POLDIP3: variants seen among roughly 807,000 people sequenced by gnomAD.
POLDIP3 encodes DNA polymerase delta interacting protein 3, also known as polymerase delta-interacting protein 3.
In POLDIP3, 14 loss-of-function variants were observed where a neutral mutation model predicts 45.1. That is an observed-to-expected ratio of 0.31 (90% CI 0.20 to 0.49). The LOEUF (loss-of-function observed/expected upper bound fraction) is 0.49, where lower values mean the gene tolerates loss of function less well. Among genes scored for constraint, POLDIP3 ranks in the 20% least tolerant of loss-of-function variants. The pLI is 0.99. For synonymous variants in POLDIP3, 223 were observed against 205.2 expected (o/e 1.09, Z -0.74); for missense variants, 511 against 538.8 (o/e 0.95, Z 0.51).
intron 7 of POLDIP3, among the ~76,000 whole-genome samples, chr22:42,591,571 GCAGCTCTCACCCAGGTGT>G (rs955521612): frequency 6.6e-6 from 1 of 152,208 alleles, no homozygotes; most frequent in African/African-American, 2.4e-5. Flanking sequence ...CCCACCAGGA[GCAGCTCTCACCCAGGTGT>G]CAACATTCAG....
intron 4 of POLDIP3, among the ~76,000 whole-genome samples, chr22:42,596,938 CA>C (rs11345168): frequency 0.053 from 7,692 of 145,122 alleles, 608 homozygotes; most frequent in African/African-American, 0.18. Context: ...CTTTTGCTTA[CA>C]AAAAAAAAAA....
At position 42,585,509 on chromosome 22, in the gene POLDIP3, C is replaced by G. The variant is rs891950336; in HGVS notation, c.*282G>C. On this transcript the variant is annotated 3_prime_UTR_variant, in exon 9 of 9. Transcript: ENST00000252115. ...GTACCATTTCCAGATAAGAAATCAG[C>G]TTGGGGCTGAGGCTCGGGGAGGCAC... 2.3e-6 allele frequency: 1 copy of G among 443,396 alleles called. No homozygotes were observed. 27.5% of individuals were successfully genotyped at this position (443,396 alleles called of 1,614,324 possible).
intron 3 of POLDIP3, 148 bp downstream of exon 3, chr22:42,601,822 C>G: frequency 1.0e-6 from 1 of 954,806 alleles, no homozygotes; most frequent in Non-Finnish European, 1.5e-6. Context: ...TTCGCTGTAA[C>G]CCTGCCTCCA....
intron 1 of POLDIP3, among the ~76,000 whole-genome samples, chr22:42,613,789 T>C (rs1331464314): frequency 3.3e-5 from 5 of 152,088 alleles, no homozygotes; most frequent in Admixed American, 2.6e-4. Context: ...AAAATAAACA[T>C]CTGCTGAGAG....
intron 1 of POLDIP3, among the ~76,000 whole-genome samples, chr22:42,605,770 T>A (rs1926685392): frequency 6.6e-6 from 1 of 152,174 alleles, no homozygotes; most frequent in South Asian, 2.1e-4. Context: ...TCCCTAGGAC[T>A]GGGCTACCCT....
At chr22:42,608,844 G>C (rs575386541) in intron 1 of POLDIP3, among the ~76,000 whole-genome samples, 1 of 152,124 alleles carries the variant, frequency 6.6e-6, no homozygotes, top group Admixed American at 6.5e-5. Flanking sequence ...GAGGGAGTAA[G>C]CTATTTCCCT....
rs9620069 is a variant in POLDIP3 at position 42,589,842 on chromosome 22, T to C, written c.1021+2113A>G. Among the ~76,000 whole-genome samples the C allele has an allele frequency of 8.3e-4, 109 of 131,118 alleles. 1 individual carries two copies. The highest frequency in any genetic ancestry group is 1.6e-3 in the Non-Finnish European group (98 of 59,882). The allele number at this position is 131,118 out of a possible 152,430, so 86.0% of individuals were successfully genotyped here. On this transcript the variant is annotated intron_variant, in intron 7 of 8. Coordinates refer to ENST00000252115, the MANE Select transcript of POLDIP3 (RefSeq NM_032311.5). ...CTGGGTGACAGAGGGAGACTCCGTA[T>C]CAAAAAAAAAAAACAGAACCTCAGT...
intron 1 of POLDIP3, among the ~76,000 whole-genome samples, chr22:42,609,485 G>A (rs908442854): frequency 6.6e-6 from 1 of 152,190 alleles, no homozygotes; most frequent in African/African-American, 2.4e-5. Flanking sequence ...GGTCTGTCTG[G>A]GCTATAGGAA....
At chr22:42,591,057 G>C (rs1280260304) in intron 7 of POLDIP3, among the ~76,000 whole-genome samples, 1 of 144,330 alleles carries the variant, frequency 6.9e-6, no homozygotes, top group Non-Finnish European at 1.5e-5. Flanking sequence ...CTGGGCAACA[G>C]AGAGAAACTC....
intron 7 of POLDIP3, 135 bp from the exon 8 acceptor site, chr22:42,587,707 G>C: frequency 2.5e-6 from 2 of 811,398 alleles, no homozygotes; most frequent in Non-Finnish European, 4.0e-6. Context: ...ATGGAGATGG[G>C]GCTGCTAGGT....
In POLDIP3 at chr22:42,585,269, G is replaced by C. The variant is rs1252887079; in HGVS notation, c.*522C>G. 1 of 515,724 alleles carries C rather than the reference G, an allele frequency of 1.9e-6. No homozygotes were observed. The highest frequency in any genetic ancestry group is 5.5e-5 in the East Asian group (1 of 18,278). The allele number at this position is 515,724 out of a possible 1,614,324, so 31.9% of individuals were successfully genotyped here. On this transcript the variant is annotated 3_prime_UTR_variant, in exon 9 of 9. Transcript: ENST00000252115. ...AGGCCTGAGACCTGCTCCCCACCCA[G>C]GCACCTCCACTGACAAGACAGAGGA...
At chr22:42,604,968 G>A (rs1195747923) in intron 1 of POLDIP3, among the ~76,000 whole-genome samples, 1 of 152,166 alleles carries the variant, frequency 6.6e-6, no homozygotes, top group East Asian at 1.9e-4. Flanking sequence ...TAAGGAAGAA[G>A]CCCCAGAAAG....
At chr22:42,603,353 G>A (rs1926522580) in intron 1 of POLDIP3, among the ~76,000 whole-genome samples, 193 bp from the exon 2 acceptor site, 1 of 152,090 alleles carries the variant, frequency 6.6e-6, no homozygotes, top group Admixed American at 6.6e-5. Context: ...TTTTAACTTT[G>A]CATTTTAAGC....
chr22:42,605,602 C>T (rs1301279266), intron 1 of POLDIP3, among the ~76,000 whole-genome samples: 1 of 152,032 alleles, frequency 6.6e-6, no homozygotes, highest in African/African-American at 2.4e-5. Context: ...TCAGATAAGG[C>T]TTAAGGTTTA....
In POLDIP3 at chr22:42,601,310, C is replaced by T. The variant is rs369191206; in HGVS notation, c.537+660G>A. Among the ~76,000 whole-genome samples the T allele has an allele frequency of 1.8e-3, 269 of 145,836 alleles. 2 individuals carry two copies. Among genetic ancestry groups the T allele is most frequent in the African/African-American group, 6.6e-3 (259 of 39,050 alleles). ...GGAGGATAGCTTGAGCCCAGGAGTT[C>T]GAGACCTGCCTGGGCAATATAGCGA... On this transcript the variant is annotated intron_variant, in intron 3 of 8. Coordinates refer to ENST00000252115, the MANE Select transcript of POLDIP3 (RefSeq NM_032311.5).
intron 1 of POLDIP3, among the ~76,000 whole-genome samples, chr22:42,610,009 C>T (rs759892447): frequency 2.0e-5 from 3 of 152,176 alleles, no homozygotes; most frequent in Admixed American, 1.3e-4. Flanking sequence ...CCTGTCTCTA[C>T]TAAAAATACA....
chr22:42,601,968 A>AC lies in POLDIP3; in HGVS notation c.537+1dup. 2 of 1,612,336 alleles carry AC rather than the reference A, an allele frequency of 1.2e-6. No individual in the cohort carries two copies. The highest frequency in any genetic ancestry group is 1.7e-6 in the Non-Finnish European group (2 of 1,179,622). On this transcript the variant is annotated splice_donor_variant, in intron 3 of 8. Coordinates refer to ENST00000252115, the MANE Select transcript of POLDIP3 (RefSeq NM_032311.5). LOFTEE classifies it high-confidence loss of function. ...TCTCTCTCTCTCACTCACTCACTCT[A>AC]CCTGTTTGGCCTGGTGGTTATTGAC...
intron 3 of POLDIP3, among the ~76,000 whole-genome samples, chr22:42,600,653 A>C (rs969227730): frequency 4.7e-5 from 7 of 150,144 alleles, no homozygotes; most frequent in Non-Finnish European, 8.9e-5. Context: ...ATATAACCAC[A>C]ACCACAACTA....
chr22:42,590,681 A>G (rs2146804010), intron 7 of POLDIP3, among the ~76,000 whole-genome samples: 1 of 152,358 alleles, frequency 6.6e-6, no homozygotes, highest in African/African-American at 2.4e-5. Context: ...GGGAGAAAAT[A>G]TTGGTAAATC....
Sources: gnomAD v4.1 joint callset for allele counts (sites outside exome capture counted in the v4.1 genomes callset) on GRCh38, gnomAD v4.1.1 for gene constraint, MANE v1.5 for transcripts, NCBI Gene and HGNC (gene_info 2026-07-23, HGNC 2026-07-21) for gene names.